The following DYNC1I1 variants were observed in gnomAD, a reference collection of about 807,000 sequenced individuals.
DYNC1I1 encodes the protein cytoplasmic dynein 1 intermediate chain 1.
In DYNC1I1, 43 loss-of-function variants were observed where a neutral mutation model predicts 86.6. The ratio of observed to expected loss-of-function variants is 0.50; its 90% CI spans 0.39 to 0.64. The LOEUF is 0.64. Ranked by LOEUF, DYNC1I1 falls within the 30% of genes least tolerant of loss-of-function variation. The probability of loss-of-function intolerance (pLI) is 0.00; values close to 1 mark genes in which losing one functional copy is unlikely to be tolerated. For missense variants in DYNC1I1, 604 were observed against 788.8 expected (o/e 0.77, Z 2.81); for synonymous variants, 262 against 283.7 (o/e 0.92, Z 0.77).
chr7:95,946,989 G>A (rs112532485), intron 6 of DYNC1I1, among the ~76,000 whole-genome samples: 8 of 152,296 alleles, frequency 5.3e-5, no homozygotes, highest in African/African-American at 1.9e-4. Context: ...AGAACACAAG[G>A]AAGACAGTTC....
intron 1 of DYNC1I1, among the ~76,000 whole-genome samples, chr7:95,778,786 A>G (rs1682679): frequency 6.6e-6 from 1 of 152,012 alleles, no homozygotes; most frequent in East Asian, 1.9e-4. Flanking sequence ...TCATCCTTCC[A>G]AGTAACTGGG....
intron 14 of DYNC1I1, among the ~76,000 whole-genome samples, chr7:96,049,510 T>C (rs1483174746): frequency 1.3e-5 from 2 of 152,116 alleles, no homozygotes; most frequent in Non-Finnish European, 2.9e-5. Context: ...ATCTTTACTT[T>C]AAACTTATTG....
intron 5 of DYNC1I1, among the ~76,000 whole-genome samples, chr7:95,856,142 C>G (rs1334054142): frequency 6.6e-6 from 1 of 151,962 alleles, no homozygotes; most frequent in Non-Finnish European, 1.5e-5. Context: ...TAAGATTTTT[C>G]TATTTAACTT....
At chr7:96,097,445 T>C (rs936403459) in intron 16 of DYNC1I1, 38 bp from the exon 17 acceptor site, 1 of 1,611,192 alleles carries the variant, frequency 6.2e-7, no homozygotes, top group South Asian at 1.1e-5. Context: ...ACATGAAAGA[T>C]ATCTTGTTCA....
At chr7:95,908,514 C>T (rs982085712) in intron 6 of DYNC1I1, among the ~76,000 whole-genome samples, 1 of 152,138 alleles carries the variant, frequency 6.6e-6, no homozygotes, top group Non-Finnish European at 1.5e-5. Context: ...GCTCATAATA[C>T]ACCAAATGGC....
chr7:95,828,093 G>A lies in DYNC1I1; in HGVS notation c.351G>A (p.Gln117=). ...LQWDTDPSVL[Q]LQSDSELGRR... ...GGGACACAGACCCCTCAGTGCTCCA[G>A]CTGCAGTCAGACTCAGAACTTGGGT... Residue 117 remains glutamine, a synonymous_variant, in exon 5 of 17, where the codon CAG becomes CAA. Transcript: ENST00000447467. 3 of 1,613,836 alleles carry A rather than the reference G, an allele frequency of 1.9e-6. No individual in the cohort carries two copies. The highest frequency in any genetic ancestry group is 2.5e-6 in the Non-Finnish European group (3 of 1,179,774).
rs1002802802 is a variant in DYNC1I1, at chr7:95,986,983, C to T, written c.744-73C>T. On this transcript the variant is annotated intron_variant, in intron 8 of 16. Transcript: ENST00000447467. ...AGAGTATTGTGTGCCAGGCTTTTGCCATATCAGTGCTTCTATATGAGCAGC... is the reference window on the plus strand; with the variant it reads ...AGAGTATTGTGTGCCAGGCTTTTGCTATATCAGTGCTTCTATATGAGCAGC... 5.9e-6 allele frequency: 8 copies of T among 1,353,058 alleles called. No individual in the cohort carries two copies. In the South Asian group the frequency reaches 8.5e-5, roughly 14 times the overall value. 83.8% of individuals were successfully genotyped at this position (1,353,058 alleles called of 1,614,324 possible).
At chr7:95,994,186 T>G (rs998135426) in intron 9 of DYNC1I1, among the ~76,000 whole-genome samples, 1 of 152,176 alleles carries the variant, frequency 6.6e-6, no homozygotes, top group Non-Finnish European at 1.5e-5. Context: ...AGCACAGAAT[T>G]ACTAAAATTA....
intron 16 of DYNC1I1, among the ~76,000 whole-genome samples, chr7:96,091,804 G>A (rs1187029027): frequency 6.6e-6 from 1 of 152,062 alleles, no homozygotes; most frequent in African/African-American, 2.4e-5. Flanking sequence ...AAAGTCATTT[G>A]ATTTTTTTAA....
intron 6 of DYNC1I1, among the ~76,000 whole-genome samples, chr7:95,945,389 G>A (rs530236885): frequency 6.6e-6 from 1 of 152,124 alleles, no homozygotes; most frequent in East Asian, 1.9e-4. Context: ...TTCTATCTCT[G>A]CTCAAGATTC....
At chr7:95,868,917 A>G (rs1354301557) in intron 5 of DYNC1I1, among the ~76,000 whole-genome samples, 1 of 152,020 alleles carries the variant, frequency 6.6e-6, no homozygotes, top group African/African-American at 2.4e-5. Flanking sequence ...TGATACTACT[A>G]TACCTCCACG....
intron 6 of DYNC1I1, among the ~76,000 whole-genome samples, chr7:95,975,321 G>A (rs1323801556): frequency 6.6e-6 from 1 of 152,172 alleles, no homozygotes; most frequent in African/African-American, 2.4e-5. Context: ...CTGGAGGCTA[G>A]GATCTGAGAT....
At chr7:95,831,306 A>G (rs1236871160) in intron 5 of DYNC1I1, among the ~76,000 whole-genome samples, 1 of 152,110 alleles carries the variant, frequency 6.6e-6, no homozygotes, top group Non-Finnish European at 1.5e-5. Context: ...AATTATTTTA[A>G]TATTTGGTAG....
At chr7:96,058,861 C>G (rs1789666018) in intron 14 of DYNC1I1, among the ~76,000 whole-genome samples, 1 of 129,618 alleles carries the variant, frequency 7.7e-6, no homozygotes, top group Non-Finnish European at 1.6e-5. Flanking sequence ...CCAGGCTGGT[C>G]TGGAACCCCT....
chr7:95,928,148 G>T (rs1363729938), intron 6 of DYNC1I1, among the ~76,000 whole-genome samples: 4 of 152,160 alleles, frequency 2.6e-5, no homozygotes, highest in African/African-American at 9.7e-5. Context: ...AACTAGTACT[G>T]CCTTGCTTCC....
chr7:96,052,678 A>G (rs938029442), intron 14 of DYNC1I1, among the ~76,000 whole-genome samples: 1 of 152,168 alleles, frequency 6.6e-6, no homozygotes, highest in African/African-American at 2.4e-5. Context: ...TTGGATGCTA[A>G]AGTGCTTTAG....
chr7:96,001,094 C>T (rs1337423628), intron 10 of DYNC1I1, among the ~76,000 whole-genome samples: 1 of 152,194 alleles, frequency 6.6e-6, no homozygotes, highest in African/African-American at 2.4e-5. Context: ...ATGTTGTCAA[C>T]ACAGAACTCC....
chr7:95,920,490 C>G (rs772711598), intron 6 of DYNC1I1, among the ~76,000 whole-genome samples: 1 of 152,114 alleles, frequency 6.6e-6, no homozygotes, highest in African/African-American at 2.4e-5. Context: ...AGAATGGATT[C>G]TAGAGTGTCC....
In DYNC1I1 at chr7:95,961,222, G is replaced by A. The variant is rs150029282; in HGVS notation, c.491-16290G>A. On this transcript the variant is annotated intron_variant, in intron 6 of 16. Coordinates refer to ENST00000447467, the MANE Select transcript of DYNC1I1 (RefSeq NM_001135556.2). ...CAATATTACTACCACAGCATGGGTA[G>A]TGGAGAGAGCACTGGAGAGAGAGTC... Among the ~76,000 whole-genome samples, 1,433 of 152,280 alleles carry A rather than the reference G, an allele frequency of 9.4e-3. 16 individuals are homozygous for A. Among genetic ancestry groups the A allele is most frequent in the African/African-American group, 0.032 (1,334 of 41,542 alleles).
Sources: gnomAD v4.1 joint callset for allele counts (sites outside exome capture counted in the v4.1 genomes callset) on GRCh38, gnomAD v4.1.1 for gene constraint, MANE v1.5 for transcripts, NCBI Gene and HGNC (gene_info 2026-07-23, HGNC 2026-07-21) for gene names.